Variants in CELF2 observed in about 807,000 individuals in gnomAD.
The protein encoded by CELF2 is CUG triplet repeat RNA-binding protein 2.
A neutral mutation model predicts 62.6 loss-of-function variants in CELF2; 8 were observed. The observed-to-expected ratio is 0.13, with a 90% confidence interval of 0.07 to 0.23. The LOEUF (loss-of-function observed/expected upper bound fraction) is 0.23. CELF2 is among the 10% of genes least tolerant of loss of function. CELF2 has a pLI of 1.00. For missense variants in CELF2, 333 were observed against 671.0 expected, an observed-to-expected ratio of 0.50 and a Z score of 5.56; for synonymous variants, 258 against 250.0, an observed-to-expected ratio of 1.03 and a Z score of -0.30.
the CELF2 span, among the ~76,000 whole-genome samples, chr10:10,756,681 C>T: frequency 1.3e-5 from 2 of 151,794 alleles, no homozygotes; most frequent in African/African-American, 4.8e-5. Context: ...TTTTTCTTTT[C>T]TTGAACTACC....
chr10:11,191,124 C>A lies in CELF2; in HGVS notation c.271+25442C>A, dbSNP rs188319751. Among the ~76,000 whole-genome samples the A allele has an allele frequency of 1.6e-4, 24 of 152,320 alleles. No individual in the cohort carries two copies. Among genetic ancestry groups the A allele is most frequent in the Middle Eastern group, 3.4e-3 (1 of 294 alleles). On this transcript the variant is annotated intron_variant, in intron 2 of 12. Coordinates refer to ENST00000633077, the MANE Select transcript of CELF2 (RefSeq NM_001326342.2). This position sits in a 1 kb window ranked among gnomAD's most constrained non-coding sequence, Gnocchi z 4.1. Reference sequence around the variant, plus strand: ...TGCTGGTCCTCTCTGAATCTGTTTTCTTGTCTGTAAATGGGGCCTGATGTA... The same window carrying A: ...TGCTGGTCCTCTCTGAATCTGTTTTATTGTCTGTAAATGGGGCCTGATGTA...
chr10:10,670,399 T>G, the CELF2 span, among the ~76,000 whole-genome samples: 2 of 151,980 alleles, frequency 1.3e-5, no homozygotes, highest in African/African-American at 4.8e-5. Context: ...AAAATGAAAA[T>G]AAGGTTATTC....
chr10:10,646,063 T>C, the CELF2 span, among the ~76,000 whole-genome samples: 9 of 152,284 alleles, frequency 5.9e-5, no homozygotes, highest in Non-Finnish European at 1.2e-4. Flanking sequence ...TCATTCTCCA[T>C]TGAGGTTTTC....
intron 8 of CELF2, among the ~76,000 whole-genome samples, chr10:11,287,037 C>G (rs1428621574): frequency 3.3e-5 from 5 of 152,202 alleles, no homozygotes; most frequent in Admixed American, 3.3e-4. Flanking sequence ...CAGCCAGGCA[C>G]TGAGCTGCGC....
chr10:10,809,863 A>G (rs778481431), intron 1 of CELF2, among the ~76,000 whole-genome samples: 26 of 152,222 alleles, frequency 1.7e-4, no homozygotes, highest in Non-Finnish European at 3.1e-4. Flanking sequence ...TAAACTCAAG[A>G]AAAACAAAAA....
At chr10:10,905,610 G>T (rs147820699) in intron 1 of CELF2, among the ~76,000 whole-genome samples, 3,401 of 151,806 alleles carry the variant, frequency 0.022, 57 homozygotes, top group Middle Eastern at 0.044. Context: ...TGGGCGTGGT[G>T]GCTCACGCCT....
At chr10:10,971,466 C>G (rs2050742942) in intron 2 of CELF2, among the ~76,000 whole-genome samples, 1 of 152,194 alleles carries the variant, frequency 6.6e-6, no homozygotes, top group Admixed American at 6.5e-5. Context: ...CCTGAGATGT[C>G]CAACTCATGC....
chr10:11,197,181 T>G (rs1199897896), intron 2 of CELF2, among the ~76,000 whole-genome samples: 1 of 151,994 alleles, frequency 6.6e-6, no homozygotes, highest in African/African-American at 2.4e-5. Context: ...TTTCTTCATT[T>G]TACACGGAAA....
At chr10:11,080,858 C>T (rs977982882) in intron 1 of CELF2, among the ~76,000 whole-genome samples, 7 of 152,206 alleles carry the variant, frequency 4.6e-5, no homozygotes, top group African/African-American at 1.4e-4. Flanking sequence ...AGTTGATCCA[C>T]GTCTGTTGTC....
chr10:10,749,291 C>T, the CELF2 span, among the ~76,000 whole-genome samples: 1 of 152,118 alleles, frequency 6.6e-6, no homozygotes, highest in South Asian at 2.1e-4. Context: ...TGAGCGTGGG[C>T]TTCATTACAG....
the CELF2 span, among the ~76,000 whole-genome samples, chr10:10,599,580 G>A: frequency 6.6e-6 from 1 of 152,166 alleles, no homozygotes; most frequent in South Asian, 2.1e-4. Flanking sequence ...TGAAGCTGAT[G>A]AGCCTACAAA....
At chr10:11,259,986 T>C (rs1172119564) in intron 5 of CELF2, among the ~76,000 whole-genome samples, 1 of 152,224 alleles carries the variant, frequency 6.6e-6, no homozygotes, top group East Asian at 1.9e-4. Flanking sequence ...CTCCAAGGTA[T>C]GGAGAAACGG....
In CELF2 at chr10:11,300,527, C is replaced by G. The variant is rs922615950; in HGVS notation, c.976+11975C>G. Among the ~76,000 whole-genome samples, 1 of 152,314 alleles carries G rather than the reference C, an allele frequency of 6.6e-6. No individual in the cohort carries two copies. Among genetic ancestry groups the G allele is most frequent in the Admixed American group, 6.5e-5 (1 of 15,306 alleles). On this transcript the variant is annotated intron_variant, in intron 9 of 12. Transcript: ENST00000633077. This position sits in a 1 kb window ranked among gnomAD's most constrained non-coding sequence, Gnocchi z 5.5. ...GCCCAGTGTCACTTTCCAACCCTAC[C>G]TCCTCTTCCTCAGTCACCCCGCCCC...
At chr10:10,880,164 G>A (rs1289976080) in intron 1 of CELF2, among the ~76,000 whole-genome samples, 1 of 152,132 alleles carries the variant, frequency 6.6e-6, no homozygotes, top group South Asian at 2.1e-4. Context: ...CAGCACAAGA[G>A]GAGACTGTTA....
In CELF2 at chr10:11,021,119, A is replaced by G. The variant is rs186116596; in HGVS notation, c.74+2956A>G. Among the ~76,000 whole-genome samples the G allele has an allele frequency of 7.1e-3, 1,085 of 152,290 alleles. 10 individuals are homozygous for G. Among genetic ancestry groups the G allele is most frequent in the African/African-American group, 0.025 (1,033 of 41,556 alleles). On this transcript the variant is annotated intron_variant, in intron 1 of 12. Coordinates refer to ENST00000633077, the MANE Select transcript of CELF2 (RefSeq NM_001326342.2). ...ATTCACCTTTTTAATGACCATATACATGCATTTAGGGTTTGTAAATGGTTT... is the reference window on the plus strand; with the variant it reads ...ATTCACCTTTTTAATGACCATATACGTGCATTTAGGGTTTGTAAATGGTTT...
At chr10:11,150,805 A>G (rs1186733340) in intron 1 of CELF2, among the ~76,000 whole-genome samples, 1 of 152,248 alleles carries the variant, frequency 6.6e-6, no homozygotes, top group Non-Finnish European at 1.5e-5. Context: ...AGCAAATGTT[A>G]TGAATTCAGG....
chr10:10,914,941 C>T (rs1448812056), intron 1 of CELF2, among the ~76,000 whole-genome samples: 2 of 151,776 alleles, frequency 1.3e-5, no homozygotes, highest in African/African-American at 4.8e-5. Context: ...CCAGCCTGAC[C>T]AACATGGTGA....
the CELF2 span, among the ~76,000 whole-genome samples, chr10:10,537,479 T>C: frequency 1.3e-5 from 2 of 152,154 alleles, no homozygotes; most frequent in South Asian, 2.1e-4. Context: ...CCACCTACCA[T>C]AGGTCCATCT....
chr10:11,289,844 T>G (rs1590798156), intron 9 of CELF2, among the ~76,000 whole-genome samples: 1 of 152,234 alleles, frequency 6.6e-6, no homozygotes, highest in Non-Finnish European at 1.5e-5. Flanking sequence ...AATAAACATT[T>G]TTAACATGAT....
Sources: allele counts gnomAD v4.1 joint callset (sites outside exome capture counted in the v4.1 genomes callset), GRCh38; gene constraint gnomAD v4.1.1; non-coding constraint Gnocchi (gnomAD v3.1); transcripts MANE v1.5; gene names NCBI Gene and HGNC (gene_info 2026-07-23, HGNC 2026-07-21).